Variants in SDK2 observed in about 807,000 individuals in gnomAD.
SDK2 encodes sidekick cell adhesion molecule 2.
In SDK2, 105 loss-of-function variants were observed where a neutral mutation model predicts 253.9. That is an observed-to-expected ratio of 0.41 (90% CI 0.35 to 0.49). The LOEUF (loss-of-function observed/expected upper bound fraction) is 0.49. Among genes scored for constraint, SDK2 ranks in the 20% least tolerant of loss-of-function variants. SDK2 has a pLI of 0.06. For missense variants in SDK2, 2,608 were observed against 3,003.0 expected (o/e 0.87, Z 3.07); for synonymous variants, 1,249 against 1,234.9 (o/e 1.01, Z -0.24).
rs1161369968 is a variant in SDK2 at position 73,443,904 on chromosome 17, T to C, written c.614-2981A>G. ...ATGCTTGACACGTGCCAGGCTGTGT[T>C]CCAGGCACCAGAGATTCTCCACCAA... On this transcript the variant is annotated intron_variant, in intron 5 of 44. Coordinates refer to ENST00000392650, the MANE Select transcript of SDK2 (RefSeq NM_001144952.2). This position sits in a 1 kb window ranked among gnomAD's most constrained non-coding sequence, Gnocchi z 4.6. 1.3e-5 allele frequency among the ~76,000 whole-genome samples: 2 copies of C among 152,254 alleles called. No individual in the cohort carries two copies. Among genetic ancestry groups the C allele is most frequent in the East Asian group, 3.9e-4 (2 of 5,168 alleles).
chr17:73,377,369 C>T (rs954138247), intron 36 of SDK2, among the ~76,000 whole-genome samples: 6 of 151,740 alleles, frequency 4.0e-5, no homozygotes, highest in African/African-American at 1.2e-4. Flanking sequence ...CAGGCACCCG[C>T]CACCACGCCT....
In SDK2 at chr17:73,618,350, C is replaced by T. The variant is rs547313776; in HGVS notation, c.64+25675G>A. Among the ~76,000 whole-genome samples the T allele has an allele frequency of 3.6e-4, 55 of 152,292 alleles. No individual in the cohort carries two copies. Among genetic ancestry groups the T allele is most frequent in the East Asian group, 7.7e-4 (4 of 5,182 alleles). On this transcript the variant is annotated intron_variant, in intron 1 of 44. Transcript: ENST00000392650. This position sits in a 1 kb window ranked among gnomAD's most constrained non-coding sequence, Gnocchi z 4.1. Reference sequence around the variant, plus strand: ...CCTCTCCCCATGGAGAGGGAGAGCTCGCTGTGCCTGTGGATTCATTTATAG... The same window carrying T: ...CCTCTCCCCATGGAGAGGGAGAGCTTGCTGTGCCTGTGGATTCATTTATAG...
At chr17:73,589,828 A>C (rs879782848) in intron 1 of SDK2, among the ~76,000 whole-genome samples, 7 of 152,214 alleles carry the variant, frequency 4.6e-5, no homozygotes, top group Non-Finnish European at 7.3e-5. Flanking sequence ...GCGGATTAGC[A>C]GGTGTTACAG....
At chr17:73,349,577 G>A (rs1403853494) in intron 43 of SDK2, among the ~76,000 whole-genome samples, 2 of 152,246 alleles carry the variant, frequency 1.3e-5, no homozygotes, top group Non-Finnish European at 1.5e-5. Flanking sequence ...AGGGAGTAGG[G>A]CCTAGGAGGG....
At position 73,507,470 on chromosome 17, in the gene SDK2, G is replaced by A; in HGVS notation, c.192C>T (p.Asn64=). ...CCAGGGAGAACTTGGTCAGCTCCCT[G>A]TTGTTGTGGAGCCACTTGAACTCCA... The part of the protein sequence containing the change: ...WPLEFKWLHN[N]RELTKFSLEY... The change falls in exon 2 of 45, where the codon AAC becomes AAT. Residue 64 remains asparagine (N), a synonymous_variant. Transcript: ENST00000392650. 3 of 1,551,662 alleles carry A rather than the reference G, an allele frequency of 1.9e-6. No homozygotes were observed. The highest frequency in any genetic ancestry group is 2.6e-6 in the Non-Finnish European group (3 of 1,146,968).
intron 1 of SDK2, among the ~76,000 whole-genome samples, chr17:73,569,233 T>C (rs890559115): frequency 2.0e-5 from 3 of 150,758 alleles, no homozygotes; most frequent in African/African-American, 7.3e-5. Flanking sequence ...AGTCTCACTC[T>C]GTCGCCCAGG....
Position 73,629,145 on chromosome 17 carries a change from C to T in SDK2, c.64+14880G>A, listed in dbSNP as rs16977718. ...GCACCTCACTTGCCTTTCTTGGCTG[C>T]ACATCCTCCTCTATAAAGTGAGGTA... On this transcript the variant is annotated intron_variant, in intron 1 of 44. Transcript: ENST00000392650. This position sits in a 1 kb window ranked among gnomAD's most constrained non-coding sequence, Gnocchi z 5.0. Among the ~76,000 whole-genome samples, 1,245 of 152,330 alleles carry T rather than the reference C, an allele frequency of 8.2e-3. 22 individuals are homozygous for T. The highest frequency in any genetic ancestry group is 0.028 in the African/African-American group (1,177 of 41,574).
At chr17:73,412,810 C>T (rs1439085873) in intron 18 of SDK2, among the ~76,000 whole-genome samples, 2 of 152,196 alleles carry the variant, frequency 1.3e-5, no homozygotes, top group South Asian at 2.1e-4. Context: ...CCCAGCTACT[C>T]GGGAGGCTGA....
intron 8 of SDK2, among the ~76,000 whole-genome samples, chr17:73,437,199 C>A (rs1053046497): frequency 1.3e-5 from 2 of 152,124 alleles, no homozygotes; most frequent in African/African-American, 4.8e-5. Context: ...TCTTTATCAT[C>A]CCGGATTTCA....
At chr17:73,426,902 G>A (rs1751639057) in intron 12 of SDK2, among the ~76,000 whole-genome samples, 1 of 151,954 alleles carries the variant, frequency 6.6e-6, no homozygotes, top group Admixed American at 6.6e-5. Flanking sequence ...CTGCTAACAC[G>A]GTGAAACCCT....
chr17:73,353,829 G>A (rs556603886), intron 40 of SDK2, among the ~76,000 whole-genome samples: 5 of 147,440 alleles, frequency 3.4e-5, no homozygotes, highest in African/African-American at 1.3e-4. Flanking sequence ...TCAGCCTCCC[G>A]GATAGCTGGG....
intron 12 of SDK2, among the ~76,000 whole-genome samples, chr17:73,424,302 G>A (rs937145635): frequency 2.0e-5 from 3 of 152,310 alleles, no homozygotes; most frequent in African/African-American, 7.2e-5. Context: ...GAGGGTGCAG[G>A]AGAGTGGGAG....
chr17:73,526,950 G>A (rs1486954176), intron 1 of SDK2, among the ~76,000 whole-genome samples: 1 of 152,200 alleles, frequency 6.6e-6, no homozygotes, highest in Non-Finnish European at 1.5e-5. Flanking sequence ...CCAGTTATAG[G>A]CCCTGGCAAC....
At chr17:73,587,047 A>G (rs772523749) in intron 1 of SDK2, among the ~76,000 whole-genome samples, 10 of 152,206 alleles carry the variant, frequency 6.6e-5, no homozygotes, top group Non-Finnish European at 1.3e-4. Flanking sequence ...AGGGCTCGGT[A>G]TGGTGCCTGG....
Position 73,395,099 on chromosome 17 carries a change from CAT to C in SDK2, c.3592+54_3592+55del. ...GCACGCGCTTGGATGACCCTGAGGG[CAT>C]AGAGACCAAGGAGGGGACAGGCAGC... On this transcript the variant is annotated intron_variant, in intron 25 of 44. Transcript: ENST00000392650. This position sits in a 1 kb window ranked among gnomAD's most constrained non-coding sequence, Gnocchi z 4.3. 3 of 1,392,344 alleles carry C rather than the reference CAT, an allele frequency of 2.2e-6. No homozygotes were observed. The highest frequency in any genetic ancestry group is 1.3e-5 in the South Asian group (1 of 78,746). 86.2% of individuals were successfully genotyped at this position (1,392,344 alleles called of 1,614,324 possible).
intron 18 of SDK2, among the ~76,000 whole-genome samples, chr17:73,405,892 T>G (rs1283358015): frequency 6.6e-6 from 1 of 151,694 alleles, no homozygotes; most frequent in East Asian, 2.0e-4. Flanking sequence ...GCTAATTTTT[T>G]TTTTGCATTT....
intron 3 of SDK2, among the ~76,000 whole-genome samples, chr17:73,470,448 T>A (rs1297595212): frequency 2.6e-5 from 4 of 152,114 alleles, no homozygotes; most frequent in African/African-American, 9.7e-5. Flanking sequence ...CACACACACA[T>A]ATGCAGTCTC....
intron 11 of SDK2, 66 bp from the exon 12 acceptor site, chr17:73,430,679 T>G (rs1599559172): frequency 9.0e-7 from 1 of 1,116,978 alleles, no homozygotes; most frequent in South Asian, 1.8e-5. Context: ...GGACTCTGGG[T>G]GGATACCATA....
intron 17 of SDK2, among the ~76,000 whole-genome samples, chr17:73,415,416 G>A (rs1386448639): frequency 1.4e-5 from 2 of 143,188 alleles, no homozygotes; most frequent in African/African-American, 2.7e-5. Context: ...GCAGTGGCAC[G>A]ATCTCAGCTC....
Sources: allele counts gnomAD v4.1 joint callset (sites outside exome capture counted in the v4.1 genomes callset), GRCh38; gene constraint gnomAD v4.1.1; non-coding constraint Gnocchi (gnomAD v3.1); transcripts MANE v1.5; gene names NCBI Gene and HGNC (gene_info 2026-07-23, HGNC 2026-07-21).